Variants in PPP1R7 observed in about 807,000 individuals in gnomAD.
The protein encoded by PPP1R7 is protein phosphatase 1 regulatory subunit 7.
Under a neutral mutation model 45.2 loss-of-function variants are expected in PPP1R7, and 18 were observed. That is an observed-to-expected ratio of 0.40 (90% CI 0.28 to 0.59). The LOEUF (loss-of-function observed/expected upper bound fraction) is 0.59, where lower values mean the gene tolerates loss of function less well. PPP1R7 is among the 20% of genes least tolerant of loss of function. The probability of loss-of-function intolerance (pLI) is 0.46; values close to 1 mark genes in which losing one functional copy is unlikely to be tolerated. For missense variants in PPP1R7, 314 were observed against 455.8 expected (o/e 0.69, Z 2.83); for synonymous variants, 181 against 183.4 (o/e 0.99, Z 0.11).
Position 241,150,553 on chromosome 2 carries a change from C to G in PPP1R7, c.52+6C>G. On this transcript the variant is annotated splice_donor_region_variant and intron_variant, in intron 1 of 9. Coordinates refer to ENST00000234038, the MANE Select transcript of PPP1R7 (RefSeq NM_002712.3). ...GTCGCAGGAGATGATGGAGGGTGAGCGGCCCCTGCGGGCGGCGGCCCAAGG... is the reference window on the plus strand; with the variant it reads ...GTCGCAGGAGATGATGGAGGGTGAGGGGCCCCTGCGGGCGGCGGCCCAAGG... The G allele has an allele frequency of 6.3e-7, 1 of 1,589,090 alleles. No individual in the cohort carries two copies. Among genetic ancestry groups the G allele is most frequent in the Non-Finnish European group, 8.5e-7 (1 of 1,169,990 alleles).
At chr2:241,178,969 C>G (rs1283032416) in intron 9 of PPP1R7, among the ~76,000 whole-genome samples, 1 of 151,868 alleles carries the variant, frequency 6.6e-6, no homozygotes, top group African/African-American at 2.4e-5. Flanking sequence ...TAAAACATTA[C>G]TGAGTTTGGG....
Position 241,158,442 on chromosome 2 carries a change from C to A in PPP1R7, c.238-42C>A, listed in dbSNP as rs1384875958. Reference sequence around the variant, plus strand: ...CTTCTAGGACGACACAGGTCTCCAGCCACTTTGCTATAGCTGAGTATAGAT... The same window carrying A: ...CTTCTAGGACGACACAGGTCTCCAGACACTTTGCTATAGCTGAGTATAGAT... On this transcript the variant is annotated intron_variant, in intron 3 of 9. Transcript: ENST00000234038. 2.5e-6 allele frequency: 4 copies of A among 1,600,408 alleles called. No individual in the cohort carries two copies. In the African/African-American group the frequency reaches 4.0e-5, roughly 16 times the overall value.
intron 2 of PPP1R7, among the ~76,000 whole-genome samples, chr2:241,157,243 A>G (rs1265530444): frequency 6.6e-6 from 1 of 152,152 alleles, no homozygotes; most frequent in Non-Finnish European, 1.5e-5. Flanking sequence ...CTGTTGAACT[A>G]TGTTTTGTTT....
At chr2:241,151,439 G>A (rs1249593077) in intron 1 of PPP1R7, 5 of 470,912 alleles carry the variant, frequency 1.1e-5, no homozygotes, top group Non-Finnish European at 2.2e-5. Context: ...AGCTGCAGAA[G>A]CAGGGCGAGC....
intron 7 of PPP1R7, among the ~76,000 whole-genome samples, chr2:241,164,822 C>T (rs1462179679): frequency 5.3e-5 from 8 of 152,144 alleles, no homozygotes; most frequent in East Asian, 1.9e-4. Context: ...CCAAGGCAGG[C>T]GGTTCATTTG....
intron 1 of PPP1R7, among the ~76,000 whole-genome samples, chr2:241,152,489 G>A (rs150722755): frequency 1.2e-3 from 182 of 152,316 alleles, no homozygotes; most frequent in African/African-American, 4.1e-3. Context: ...CCGTCATTGC[G>A]GGGGTAGGGA....
intron 5 of PPP1R7, among the ~76,000 whole-genome samples, chr2:241,160,044 G>A (rs929873625): frequency 6.6e-6 from 1 of 152,180 alleles, no homozygotes. Flanking sequence ...GCACAAGTGT[G>A]AACAAAACAT....
intron 9 of PPP1R7, among the ~76,000 whole-genome samples, chr2:241,180,556 G>GT (rs1394727203): frequency 1.3e-5 from 2 of 152,004 alleles, no homozygotes; most frequent in Non-Finnish European, 2.9e-5. Context: ...CATCATTTTC[G>GT]TGACTCTCCA....
intron 9 of PPP1R7, 76 bp from the exon 10 acceptor site, chr2:241,182,571 G>T: frequency 1.3e-6 from 2 of 1,554,592 alleles, no homozygotes; most frequent in African/African-American, 1.4e-5. Flanking sequence ...AAGGAGGAGG[G>T]TGGCTAGTGG....
At chr2:241,158,663 G>A (rs939092233) in intron 4 of PPP1R7, 114 bp downstream of exon 4, 8 of 1,023,092 alleles carry the variant, frequency 7.8e-6, no homozygotes, top group African/African-American at 1.6e-5. Flanking sequence ...TGGGCGGCGT[G>A]GCTGCCTCCA....
rs149451145 is a variant in PPP1R7 at position 241,161,564 on chromosome 2, C to T, written c.597+1070C>T. ...TGGACAGCTTTATACTCCTGGACAC[C>T]GTCCCCAGCAGGATTAGATCTGTTC... On this transcript the variant is annotated intron_variant, in intron 6 of 9. Coordinates refer to ENST00000234038, the MANE Select transcript of PPP1R7 (RefSeq NM_002712.3). 6.5e-3 allele frequency among the ~76,000 whole-genome samples: 985 copies of T among 152,354 alleles called. 5 individuals are homozygous for T. Among genetic ancestry groups the T allele is most frequent in the Non-Finnish European group, 0.01 (703 of 68,032 alleles).
chr2:241,164,623 G>T (rs543138487), intron 7 of PPP1R7, among the ~76,000 whole-genome samples: 20 of 152,176 alleles, frequency 1.3e-4, no homozygotes, highest in Non-Finnish European at 2.9e-4. Context: ...TCTTGGCCTG[G>T]TACAGTGGCT....
chr2:241,162,706 G>A (rs1328224856), intron 6 of PPP1R7, among the ~76,000 whole-genome samples: 2 of 144,188 alleles, frequency 1.4e-5, no homozygotes, highest in Non-Finnish European at 3.0e-5. Flanking sequence ...TTTTTGAGAC[G>A]GAGTCTCGTG....
At chr2:241,157,690 C>A (rs781400918) in intron 2 of PPP1R7, 117 bp from the exon 3 acceptor site, 1 of 933,158 alleles carries the variant, frequency 1.1e-6, no homozygotes, top group Non-Finnish European at 1.7e-6. Context: ...GGTTCCTCCT[C>A]GGGGTTTGAG....
At chr2:241,154,538 A>G (rs1206317424) in intron 2 of PPP1R7, among the ~76,000 whole-genome samples, 3 of 150,048 alleles carry the variant, frequency 2.0e-5, no homozygotes, top group Non-Finnish European at 4.4e-5. Flanking sequence ...AAATACAAAA[A>G]AAAGAAAAAA....
At chr2:241,167,869 C>T (rs2067747130) in intron 8 of PPP1R7, among the ~76,000 whole-genome samples, 1 of 152,138 alleles carries the variant, frequency 6.6e-6, no homozygotes, top group South Asian at 2.1e-4. Flanking sequence ...ATATTTTCTC[C>T]TAAGTTTTGT....
chr2:241,178,458 C>CT (rs71049557), intron 9 of PPP1R7, among the ~76,000 whole-genome samples: 36,946 of 124,514 alleles, frequency 0.3, 6,417 homozygotes, highest in Non-Finnish European at 0.38. Flanking sequence ...TGGTCTTCAG[C>CT]TTTTTTTTTT....
At chr2:241,172,100 T>A (rs2067826520) in intron 9 of PPP1R7, among the ~76,000 whole-genome samples, 1 of 152,140 alleles carries the variant, frequency 6.6e-6, no homozygotes, top group Admixed American at 6.5e-5. Flanking sequence ...TATTTGTTTT[T>A]TATTTGTCTC....
intron 9 of PPP1R7, among the ~76,000 whole-genome samples, chr2:241,179,115 CAA>C (rs2067957909): frequency 1.3e-5 from 2 of 152,066 alleles, no homozygotes; most frequent in South Asian, 4.2e-4. Flanking sequence ...TTCCAAAAAC[CAA>C]AAGAGTCTGC....
Sources: gnomAD v4.1 joint callset for allele counts (sites outside exome capture counted in the v4.1 genomes callset) on GRCh38, gnomAD v4.1.1 for gene constraint, MANE v1.5 for transcripts, NCBI Gene and HGNC (gene_info 2026-07-23, HGNC 2026-07-21) for gene names.